The following RANBP2 variants were observed in gnomAD, a reference collection of about 807,000 sequenced individuals.
The protein encoded by RANBP2 is E3 SUMO-protein ligase RanBP2.
A neutral mutation model predicts 303.6 loss-of-function variants in RANBP2; 57 were observed. The observed-to-expected ratio is 0.19, with a 90% confidence interval of 0.15 to 0.23. The LOEUF is 0.23. Among genes scored for constraint, RANBP2 ranks in the 10% least tolerant of loss-of-function variants. The pLI, the probability that RANBP2 is intolerant of heterozygous loss-of-function variation, is 1.00. For missense variants in RANBP2, 3,138 were observed against 3,780.8 expected (o/e 0.83, Z 4.46); for synonymous variants, 1,167 against 1,301.5 (o/e 0.90, Z 2.23).
chr2:109,154,661 G>A, the RANBP2 span, among the ~76,000 whole-genome samples: 1 of 152,318 alleles, frequency 6.6e-6, no homozygotes, highest in Admixed American at 6.5e-5. Context: ...TTTTGGCCTT[G>A]CTGTAGTGCT....
chr2:109,537,653 T>C, the RANBP2 span, among the ~76,000 whole-genome samples: 32 of 152,152 alleles, frequency 2.1e-4, 1 homozygote, highest in South Asian at 6.2e-4. Context: ...GTAATACAAA[T>C]GTTTAGGGAC....
At chr2:109,502,657 C>T in the RANBP2 span, 4 of 152,134 alleles carry the variant, frequency 2.6e-5, no homozygotes, top group African/African-American at 4.8e-5. Flanking sequence ...TCTGTCTAGA[C>T]GGTGATGATT....
chr2:109,373,597 C>G, the RANBP2 span, among the ~76,000 whole-genome samples: 1 of 152,132 alleles, frequency 6.6e-6, no homozygotes, highest in Non-Finnish European at 1.5e-5. Context: ...CAAAAGCAGA[C>G]AGAACTCCTC....
At chr2:109,637,701 G>C in the RANBP2 span, among the ~76,000 whole-genome samples, 1 of 152,198 alleles carries the variant, frequency 6.6e-6, no homozygotes, top group Non-Finnish European at 1.5e-5. Context: ...GCTCCAGGTT[G>C]GGGCAAAGTG....
the RANBP2 span, among the ~76,000 whole-genome samples, chr2:109,077,406 A>AT: frequency 6.6e-6 from 1 of 150,514 alleles, no homozygotes; most frequent in African/African-American, 2.4e-5. Flanking sequence ...CTTGGCAATG[A>AT]TTTTTTTGGA....
At chr2:109,576,379 G>A in the RANBP2 span, among the ~76,000 whole-genome samples, 4 of 151,952 alleles carry the variant, frequency 2.6e-5, no homozygotes, top group Non-Finnish European at 5.9e-5. Flanking sequence ...GATGACAGGC[G>A]TGAGCCACCA....
the RANBP2 span, among the ~76,000 whole-genome samples, chr2:109,300,777 T>A: frequency 6.6e-6 from 1 of 152,186 alleles, no homozygotes; most frequent in African/African-American, 2.4e-5. Context: ...GGGCTCCACC[T>A]CCTTTCTCAG....
At chr2:109,515,055 C>A in the RANBP2 span, among the ~76,000 whole-genome samples, 1 of 152,208 alleles carries the variant, frequency 6.6e-6, no homozygotes, top group African/African-American at 2.4e-5. Context: ...CCAGGGATGA[C>A]CTTTGCCCTG....
At chr2:109,653,352 G>A in the RANBP2 span, among the ~76,000 whole-genome samples, 2 of 151,400 alleles carry the variant, frequency 1.3e-5, no homozygotes, top group Non-Finnish European at 2.9e-5. Flanking sequence ...CCGAGTTCGC[G>A]GCACCCTACT....
chr2:108,921,081 G>C, the RANBP2 span, among the ~76,000 whole-genome samples: 1 of 152,156 alleles, frequency 6.6e-6, no homozygotes, highest in South Asian at 2.1e-4. Flanking sequence ...AAACCCCCAG[G>C]GTGCTCCCCT....
chr2:109,450,168 A>G, the RANBP2 span, among the ~76,000 whole-genome samples: 1 of 152,166 alleles, frequency 6.6e-6, no homozygotes, highest in East Asian at 1.9e-4. Context: ...CAACATGGCA[A>G]AACCCCATCT....
chr2:108,972,213 G>A, the RANBP2 span, among the ~76,000 whole-genome samples: 1 of 152,358 alleles, frequency 6.6e-6, no homozygotes, highest in East Asian at 1.9e-4. Flanking sequence ...CAGCACAGAT[G>A]ACTAATACGC....
the RANBP2 span, among the ~76,000 whole-genome samples, chr2:108,955,442 T>C: frequency 6.6e-6 from 1 of 152,176 alleles, no homozygotes; most frequent in Non-Finnish European, 1.5e-5. Context: ...TGTAGAGACA[T>C]ATATATCTTC....
the RANBP2 span, among the ~76,000 whole-genome samples, chr2:109,140,553 T>C: frequency 2.6e-5 from 4 of 152,080 alleles, no homozygotes; most frequent in African/African-American, 7.2e-5. Context: ...GCTAATTTTT[T>C]TGTATTTTTA....
chr2:109,501,804 C>A, the RANBP2 span: 6 of 613,646 alleles, frequency 9.8e-6, no homozygotes, highest in Admixed American at 8.1e-5. Context: ...GATACCCTGG[C>A]CCAGGGTGGG....
chr2:108,990,203 G>T, the RANBP2 span, among the ~76,000 whole-genome samples: 2 of 150,776 alleles, frequency 1.3e-5, no homozygotes, highest in Non-Finnish European at 3.0e-5. Context: ...AGGCCGAGGC[G>T]GGTGGATCAT....
At chr2:109,670,844 G>A in the RANBP2 span, among the ~76,000 whole-genome samples, 5 of 151,786 alleles carry the variant, frequency 3.3e-5, no homozygotes, top group South Asian at 2.1e-4. Flanking sequence ...ACCACACTTC[G>A]GTTTGGGGGT....
the RANBP2 span, chr2:109,449,079 G>A: frequency 8.3e-6 from 12 of 1,439,048 alleles, no homozygotes; most frequent in Non-Finnish European, 1.1e-5. Context: ...TGCTCGAGAA[G>A]GGAGCCTGAG....
the RANBP2 span, among the ~76,000 whole-genome samples, chr2:109,722,317 C>T: frequency 3.9e-5 from 6 of 152,142 alleles, no homozygotes; most frequent in Admixed American, 1.3e-4. Context: ...AGGCCAGACA[C>T]GGAAAGAGGC....
Sources: gnomAD v4.1 joint callset for allele counts (sites outside exome capture counted in the v4.1 genomes callset) on GRCh38, gnomAD v4.1.1 for gene constraint, MANE v1.5 for transcripts, NCBI Gene and HGNC (gene_info 2026-07-23, HGNC 2026-07-21) for gene names.